The following GRM5 variants were observed in gnomAD, a reference collection of about 807,000 sequenced individuals.
The protein encoded by GRM5 is glutamate metabotropic receptor 5.
A neutral mutation model predicts 83.1 loss-of-function variants in GRM5; 19 were observed. The observed-to-expected ratio is 0.23, with a 90% confidence interval of 0.16 to 0.34. The LOEUF (loss-of-function observed/expected upper bound fraction) is 0.34. GRM5 is among the 10% of genes least tolerant of loss of function. The pLI is 1.00. For synonymous variants in GRM5, 675 were observed against 633.6 expected (o/e 1.07, Z -0.98); for missense variants, 1,160 against 1,588.3 (o/e 0.73, Z 4.58).
At chr11:89,013,929 C>T (rs1362920040) in intron 2 of GRM5, among the ~76,000 whole-genome samples, 1 of 152,136 alleles carries the variant, frequency 6.6e-6, no homozygotes, top group Non-Finnish European at 1.5e-5. Flanking sequence ...CATGTAGCCT[C>T]CCACTTCTTA....
intron 3 of GRM5, among the ~76,000 whole-genome samples, chr11:88,841,479 A>T (rs1944200349): frequency 6.6e-6 from 1 of 152,190 alleles, no homozygotes; most frequent in Non-Finnish European, 1.5e-5. Context: ...CCTTTCTTAT[A>T]CCCAATCATA....
At chr11:89,051,268 G>T (rs1465191069) in intron 1 of GRM5, among the ~76,000 whole-genome samples, 1 of 149,974 alleles carries the variant, frequency 6.7e-6, no homozygotes, top group Non-Finnish European at 1.5e-5. Context: ...AAAAGAAAAA[G>T]AAAAATATAC....
At chr11:88,848,906 C>A (rs1944342743) in intron 3 of GRM5, among the ~76,000 whole-genome samples, 2 of 152,132 alleles carry the variant, frequency 1.3e-5, no homozygotes, top group Admixed American at 1.3e-4. Context: ...TATTAAAAGG[C>A]TAAGAGGTAA....
intron 2 of GRM5, among the ~76,000 whole-genome samples, chr11:88,863,266 A>G (rs566238098): frequency 4.2e-4 from 64 of 152,248 alleles, no homozygotes; most frequent in Non-Finnish European, 7.2e-4. Flanking sequence ...CTGAGTATAT[A>G]CCCAAAGGAA....
chr11:89,013,137 T>G (rs530522671), intron 2 of GRM5, among the ~76,000 whole-genome samples: 73 of 152,348 alleles, frequency 4.8e-4, no homozygotes, highest in African/African-American at 1.5e-3. Flanking sequence ...GATCAGACTT[T>G]AAGATAGCAC....
intron 3 of GRM5, among the ~76,000 whole-genome samples, chr11:88,782,192 TAAC>T (rs1345709460): frequency 6.6e-6 from 1 of 152,022 alleles, no homozygotes; most frequent in Non-Finnish European, 1.5e-5. Flanking sequence ...GTGATAATAA[TAAC>T]AATAATAATA....
chr11:88,609,353 G>T (rs1027891645), intron 4 of GRM5, among the ~76,000 whole-genome samples: 3 of 152,124 alleles, frequency 2.0e-5, no homozygotes, highest in Non-Finnish European at 4.4e-5. Flanking sequence ...ATTTCATGGT[G>T]TATATGTACC....
At chr11:89,029,535 T>C (rs1199876961) in intron 2 of GRM5, among the ~76,000 whole-genome samples, 4 of 152,172 alleles carry the variant, frequency 2.6e-5, no homozygotes, top group African/African-American at 9.7e-5. Flanking sequence ...ATAGAATGCT[T>C]TTCTAGTTTT....
In GRM5 at chr11:88,714,397, G is replaced by A. The variant is rs188668368; in HGVS notation, c.912-60994C>T. On this transcript the variant is annotated intron_variant, in intron 3 of 9. Coordinates refer to ENST00000305447, the MANE Select transcript of GRM5 (RefSeq NM_001143831.3). ...TCAGCAGACAGGCCAGCTGCAAAAT[G>A]TGACATCTACATCCATCTTTGGGAA... Among the ~76,000 whole-genome samples, 464 of 152,044 alleles carry A rather than the reference G, an allele frequency of 3.1e-3. 4 individuals carry two copies. The highest frequency in any genetic ancestry group is 8.8e-4 in the Non-Finnish European group (60 of 67,934).
chr11:88,936,841 T>C (rs1345108257), intron 2 of GRM5, among the ~76,000 whole-genome samples: 1 of 151,706 alleles, frequency 6.6e-6, no homozygotes, highest in African/African-American at 2.4e-5. Flanking sequence ...AATATTAAAA[T>C]TGAACAGCCC....
chr11:88,761,930 A>T lies in GRM5; in HGVS notation c.911+87976T>A, dbSNP rs140426225. Among the ~76,000 whole-genome samples, 894 of 152,270 alleles carry T rather than the reference A, an allele frequency of 5.9e-3. 12 individuals carry two copies. Among genetic ancestry groups the T allele is most frequent in the African/African-American group, 0.021 (856 of 41,566 alleles). ...CCATCTGATCTTTGAGAAAGCTGAAAAAAAGTAATGGAGAAAGGACCCTCT... is the reference window on the plus strand; with the variant it reads ...CCATCTGATCTTTGAGAAAGCTGAATAAAAGTAATGGAGAAAGGACCCTCT... On this transcript the variant is annotated intron_variant, in intron 3 of 9. Coordinates refer to ENST00000305447, the MANE Select transcript of GRM5 (RefSeq NM_001143831.3).
chr11:88,702,747 T>C (rs1941063772), intron 3 of GRM5, among the ~76,000 whole-genome samples: 2 of 151,990 alleles, frequency 1.3e-5, no homozygotes, highest in Admixed American at 1.3e-4. Context: ...TGAGGCTGTT[T>C]TTGTGTGGTC....
At chr11:88,936,173 G>A (rs2135657094) in intron 2 of GRM5, among the ~76,000 whole-genome samples, 1 of 151,930 alleles carries the variant, frequency 6.6e-6, no homozygotes, top group South Asian at 2.1e-4. Context: ...TATGTGACTT[G>A]ATCAAGATAA....
intron 3 of GRM5, among the ~76,000 whole-genome samples, chr11:88,821,980 C>T (rs916771739): frequency 2.6e-5 from 4 of 151,750 alleles, no homozygotes; most frequent in Non-Finnish European, 4.4e-5. Context: ...TTTTTGATGA[C>T]TCTTTCATGG....
At chr11:88,568,753 T>C (rs1460677239) in intron 7 of GRM5, among the ~76,000 whole-genome samples, 1 of 152,128 alleles carries the variant, frequency 6.6e-6, no homozygotes, top group Non-Finnish European at 1.5e-5. Flanking sequence ...GTGAAAAAGA[T>C]ATGAAATATG....
chr11:88,606,557 C>CTT (rs1938147692), intron 4 of GRM5, among the ~76,000 whole-genome samples: 1 of 152,144 alleles, frequency 6.6e-6, no homozygotes, highest in African/African-American at 2.4e-5. Context: ...AAGATTACTG[C>CTT]ATTTTATGAT....
intron 9 of GRM5, among the ~76,000 whole-genome samples, chr11:88,521,899 T>G (rs1318976216): frequency 6.6e-6 from 1 of 152,220 alleles, no homozygotes; most frequent in African/African-American, 2.4e-5. Flanking sequence ...TGCTCTGCTC[T>G]GCTTCAACTG....
intron 4 of GRM5, among the ~76,000 whole-genome samples, chr11:88,616,943 T>C (rs898483911): frequency 2.6e-5 from 4 of 152,086 alleles, no homozygotes; most frequent in African/African-American, 7.2e-5. Flanking sequence ...AGCCCTTGTA[T>C]CTAGCATAGC....
intron 8 of GRM5, among the ~76,000 whole-genome samples, chr11:88,532,122 T>C (rs1465647926): frequency 6.6e-6 from 1 of 152,174 alleles, no homozygotes; most frequent in Non-Finnish European, 1.5e-5. Context: ...ACATATGTCT[T>C]ATGTGTAAAT....
Sources: allele counts gnomAD v4.1 joint callset (sites outside exome capture counted in the v4.1 genomes callset), GRCh38; gene constraint gnomAD v4.1.1; transcripts MANE v1.5; gene names NCBI Gene and HGNC (gene_info 2026-07-23, HGNC 2026-07-21).